The following NEU3 variants were observed in gnomAD, a reference collection of about 807,000 sequenced individuals.
NEU3 encodes sialidase-3.
Under a neutral mutation model 11.4 loss-of-function variants are expected in NEU3, and 10 were observed. That is an observed-to-expected ratio of 0.88 (90% confidence interval 0.54 to 1.49). NEU3 has a LOEUF of 1.49. Among genes scored for constraint, NEU3 ranks in the 40% most tolerant of loss-of-function variants. The pLI is 0.00. For missense variants in NEU3, 529 were observed against 581.8 expected (o/e 0.91, Z 0.93); for synonymous variants, 212 against 228.2 (o/e 0.93, Z 0.64).
intron 3 of NEU3, among the ~76,000 whole-genome samples, chr11:75,015,933 A>G (rs1948979215): frequency 6.6e-6 from 1 of 152,232 alleles, no homozygotes; most frequent in Non-Finnish European, 1.5e-5. Context: ...AAGTGGGCAC[A>G]GGATGTTTCA....
rs186865783 is a variant in NEU3 at position 74,989,164 on chromosome 11, G to T, written c.94+10G>T. On this transcript the variant is annotated intron_variant, in intron 1 of 2. Transcript: ENST00000294064. ...CCGGGGTCCAGTGCAGGTGAGCGGG[G>T]TTGGGAGACAGGAGAGCTCCCCGAG... The T allele has an allele frequency of 1.9e-4, 301 of 1,549,544 alleles. No individual in the cohort carries two copies. In the African/African-American group the frequency reaches 3.3e-3, roughly 17 times the overall value.
At chr11:74,995,798 T>C (rs1188568628) in intron 2 of NEU3, among the ~76,000 whole-genome samples, 1 of 151,202 alleles carries the variant, frequency 6.6e-6, no homozygotes, top group Non-Finnish European at 1.5e-5. Context: ...GTATTATTAT[T>C]ATTATTATTA....
intron 2 of NEU3, among the ~76,000 whole-genome samples, chr11:74,996,713 ACTAT>A (rs1402961562): frequency 6.6e-6 from 1 of 152,236 alleles, no homozygotes; most frequent in Non-Finnish European, 1.5e-5. Context: ...CAGAGTAATC[ACTAT>A]CTATGGCAAC....
chr11:75,001,053 T>C (rs1046473723), intron 2 of NEU3, among the ~76,000 whole-genome samples: 1 of 152,100 alleles, frequency 6.6e-6, no homozygotes, highest in East Asian at 1.9e-4. Flanking sequence ...CCATAGTGGC[T>C]ACACCATTTT....
downstream of NEU3, among the ~76,000 whole-genome samples, chr11:75,020,037 T>A (rs1948996858): frequency 1.3e-5 from 2 of 152,198 alleles, no homozygotes; most frequent in South Asian, 2.1e-4. Flanking sequence ...CAGTATGACC[T>A]GGATGTGAGA....
At chr11:74,993,935 G>A (rs978917777) in intron 1 of NEU3, among the ~76,000 whole-genome samples, 1 of 151,788 alleles carries the variant, frequency 6.6e-6, no homozygotes, top group Admixed American at 6.6e-5. Context: ...TCTCTTAGAG[G>A]CCCCACCTCT....
intron 2 of NEU3, among the ~76,000 whole-genome samples, chr11:74,997,053 T>C (rs1453939820): frequency 1.3e-5 from 2 of 152,222 alleles, no homozygotes; most frequent in African/African-American, 2.4e-5. Context: ...TAAATGAGCA[T>C]TGACCTCAAC....
the NEU3 span, among the ~76,000 whole-genome samples, chr11:74,980,690 C>T: frequency 6.6e-6 from 1 of 152,196 alleles, no homozygotes; most frequent in African/African-American, 2.4e-5. Flanking sequence ...TAAATACATA[C>T]ACATATCATT....
In NEU3 at chr11:75,010,656, C is replaced by T. The variant is rs1417022344; in HGVS notation, c.*4164C>T. 1 of 152,256 alleles carries T rather than the reference C, an allele frequency of 6.6e-6. No homozygotes were observed. The highest frequency in any genetic ancestry group is 1.5e-5 in the Non-Finnish European group (1 of 68,022). 9.4% of individuals were successfully genotyped at this position (152,256 alleles called of 1,614,324 possible). Reference sequence around the variant, plus strand: ...CAGTGGGGAAAATTTATGGCCTATTCCAGAAGAGTGAGCAGCCTAATCAAG... The same window carrying T: ...CAGTGGGGAAAATTTATGGCCTATTTCAGAAGAGTGAGCAGCCTAATCAAG... On this transcript the variant is annotated 3_prime_UTR_variant, in exon 3 of 3. Coordinates refer to ENST00000294064, the MANE Select transcript of NEU3 (RefSeq NM_006656.6).
intron 3 of NEU3, among the ~76,000 whole-genome samples, chr11:75,016,683 G>A (rs768332734): frequency 1.3e-5 from 2 of 152,174 alleles, no homozygotes; most frequent in Non-Finnish European, 1.5e-5. Context: ...GTCCTGGGTA[G>A]GATAGGACAC....
In NEU3 at chr11:75,005,545, C is replaced by G. The variant is rs201212157; in HGVS notation, c.439C>G (p.Arg147Gly). ...CTGTGTGCGGGGCCATGTCACAGAG[C>G]GTCAACAGATTGTGTCAGGCAGGAA... is the stretch of plus-strand genomic sequence containing the variant. ...FICVRGHVTE[R>G]QQIVSGRNAA... Residue 147 changes from arginine to glycine, a missense_variant, in exon 3 of 3, where the codon CGT (arginine) becomes GGT (glycine). Transcript: ENST00000294064. 1.5e-4 allele frequency: 237 copies of G among 1,613,890 alleles called. No homozygotes were observed. The African/African-American group carries it at 2.9e-3, about 20-fold the overall frequency.
intron 2 of NEU3, among the ~76,000 whole-genome samples, chr11:74,999,480 A>G (rs1948823151): frequency 6.6e-6 from 1 of 152,220 alleles, no homozygotes. Flanking sequence ...TTCCCAATAT[A>G]GAAATCTGTA....
chr11:75,003,665 G>A (rs900061335), intron 2 of NEU3, among the ~76,000 whole-genome samples: 3 of 152,084 alleles, frequency 2.0e-5, no homozygotes, highest in Non-Finnish European at 2.9e-5. Context: ...TGAGGCAGGC[G>A]GATCACCTGA....
At position 75,007,212 on chromosome 11, in the gene NEU3, G is replaced by A. The variant is rs551584623; in HGVS notation, c.*720G>A. On this transcript the variant is annotated 3_prime_UTR_variant, in exon 3 of 3. Coordinates refer to ENST00000294064, the MANE Select transcript of NEU3 (RefSeq NM_006656.6). ...AATGCCAGTAGTACTGGATAATAGTGCGTATTGCTTCTGGTGGCATTACCC... is the reference window on the plus strand; with the variant it reads ...AATGCCAGTAGTACTGGATAATAGTACGTATTGCTTCTGGTGGCATTACCC... 6.6e-6 allele frequency: 1 copy of A among 152,272 alleles called. No homozygotes were observed. The highest frequency in any genetic ancestry group is 1.9e-4 in the East Asian group (1 of 5,180). 9.4% of individuals were successfully genotyped at this position (152,272 alleles called of 1,614,324 possible). A position where few individuals can be genotyped will look rare whatever the true frequency, so the allele number is the denominator to read the frequency against.
chr11:74,982,628 A>G, the NEU3 span, among the ~76,000 whole-genome samples: 18 of 152,258 alleles, frequency 1.2e-4, no homozygotes, highest in East Asian at 1.9e-3. Flanking sequence ...TCCGTTCAAT[A>G]TAGGCATCCA....
At chr11:75,003,062 G>A (rs983348888) in intron 2 of NEU3, among the ~76,000 whole-genome samples, 3 of 152,134 alleles carry the variant, frequency 2.0e-5, no homozygotes, top group African/African-American at 4.8e-5. Context: ...ATTTTGTTGG[G>A]TATGTAGCTA....
At chr11:75,013,312 GTGT>G (rs1948967929), downstream of NEU3, among the ~76,000 whole-genome samples, 1 of 152,182 alleles carries the variant, frequency 6.6e-6, no homozygotes. Context: ...AAACAGTGAA[GTGT>G]TGTGTCAATA....
intron 2 of NEU3, among the ~76,000 whole-genome samples, chr11:75,003,289 T>C (rs149642030): frequency 5.3e-5 from 8 of 152,248 alleles, no homozygotes; most frequent in African/African-American, 1.9e-4. Context: ...AATGACTTGC[T>C]CAGCTTCTCA....
At chr11:74,992,545 G>T (rs1222892663) in intron 1 of NEU3, among the ~76,000 whole-genome samples, 1 of 152,172 alleles carries the variant, frequency 6.6e-6, no homozygotes, top group Non-Finnish European at 1.5e-5. Context: ...TGTCTGTCTG[G>T]CTTGATTCCC....
Sources: allele counts gnomAD v4.1 joint callset (sites outside exome capture counted in the v4.1 genomes callset), GRCh38; gene constraint gnomAD v4.1.1; transcripts MANE v1.5; gene names NCBI Gene and HGNC (gene_info 2026-07-23, HGNC 2026-07-21).